Variants in GRIK4 observed in about 807,000 individuals in gnomAD.
The protein encoded by GRIK4 is glutamate receptor ionotropic, kainate 4.
A neutral mutation model predicts 104.9 loss-of-function variants in GRIK4; 40 were observed. The ratio of observed to expected loss-of-function variants is 0.38; its 90% CI spans 0.30 to 0.50. The LOEUF is 0.50. Ranked by LOEUF, GRIK4 falls within the 20% of genes least tolerant of loss-of-function variation. GRIK4 has a pLI of 0.93. For synonymous variants in GRIK4, 485 were observed against 524.9 expected, an observed-to-expected ratio of 0.92 and a Z score of 1.04; for missense variants, 1,047 against 1,308.1, an observed-to-expected ratio of 0.80 and a Z score of 3.08.
chr11:120,574,614 A>T (rs1159941276), intron 1 of GRIK4, among the ~76,000 whole-genome samples: 2 of 152,096 alleles, frequency 1.3e-5, no homozygotes, highest in African/African-American at 4.8e-5. Context: ...CTCTTCCCTG[A>T]TCTGTAAGGG....
intron 3 of GRIK4, among the ~76,000 whole-genome samples, chr11:120,689,243 C>G (rs575281372): frequency 1.3e-5 from 2 of 152,040 alleles, no homozygotes; most frequent in African/African-American, 2.4e-5. Flanking sequence ...CCCTTACCCT[C>G]GTCGAGCCTT....
chr11:120,815,324 A>G, intron 4 of GRIK4, 54 bp from the exon 5 acceptor site: 1 of 1,072,902 alleles, frequency 9.3e-7, no homozygotes, highest in Non-Finnish European at 1.4e-6. Context: ...CCATGGCGCA[A>G]GCCCGACCTG....
chr11:120,843,325 G>C (rs1437770776), intron 8 of GRIK4, among the ~76,000 whole-genome samples: 1 of 152,252 alleles, frequency 6.6e-6, no homozygotes, highest in African/African-American at 2.4e-5. Flanking sequence ...GAGGCAGTGG[G>C]CACCCAGAGT....
intron 11 of GRIK4, among the ~76,000 whole-genome samples, chr11:120,890,381 A>T (rs529732615): frequency 6.6e-6 from 1 of 151,964 alleles, no homozygotes; most frequent in South Asian, 2.1e-4. Context: ...CTAAGCAACC[A>T]CTCTGGGCCC....
At chr11:120,630,760 G>A (rs914153244) in intron 1 of GRIK4, among the ~76,000 whole-genome samples, 17 of 152,216 alleles carry the variant, frequency 1.1e-4, no homozygotes, top group African/African-American at 3.4e-4. Context: ...CATTGGATGC[G>A]GATGTTGGAC....
intron 1 of GRIK4, among the ~76,000 whole-genome samples, chr11:120,606,139 A>G (rs1379760796): frequency 6.6e-6 from 1 of 152,170 alleles, no homozygotes; most frequent in East Asian, 1.9e-4. Flanking sequence ...AAATACGTCC[A>G]TTTATTGAAT....
chr11:120,783,717 G>C (rs1431581823), intron 3 of GRIK4, among the ~76,000 whole-genome samples: 1 of 152,054 alleles, frequency 6.6e-6, no homozygotes. Context: ...TGAATATTCT[G>C]ACAACAGTCA....
chr11:120,872,066 A>C (rs944757563), intron 9 of GRIK4: 5 of 370,900 alleles, frequency 1.3e-5, no homozygotes, highest in African/African-American at 1.1e-4. Flanking sequence ...TAGTTCAGTC[A>C]ACACCGGCTT....
chr11:120,907,422 G>A (rs1480506793), intron 13 of GRIK4, among the ~76,000 whole-genome samples: 1 of 152,152 alleles, frequency 6.6e-6, no homozygotes, highest in African/African-American at 2.4e-5. Flanking sequence ...CGAGTGACTT[G>A]AACAGTCAGA....
chr11:120,627,156 C>G (rs1949270710), intron 1 of GRIK4, among the ~76,000 whole-genome samples: 1 of 152,186 alleles, frequency 6.6e-6, no homozygotes, highest in Non-Finnish European at 1.5e-5. Context: ...TGTTGGGTCC[C>G]CAGGGCTCAG....
chr11:120,674,942 A>C (rs2135273517), intron 3 of GRIK4, among the ~76,000 whole-genome samples: 1 of 152,348 alleles, frequency 6.6e-6, no homozygotes, highest in East Asian at 1.9e-4. Flanking sequence ...CAGAGGCCAC[A>C]GTTAAGGAAT....
intron 4 of GRIK4, among the ~76,000 whole-genome samples, chr11:120,809,893 C>A (rs530325326): frequency 1.3e-5 from 2 of 151,978 alleles, no homozygotes; most frequent in South Asian, 4.1e-4. Flanking sequence ...TAGTGGGGCC[C>A]CATCTCTACA....
At chr11:120,823,152 G>A (rs1953169454) in intron 6 of GRIK4, among the ~76,000 whole-genome samples, 3 of 152,226 alleles carry the variant, frequency 2.0e-5, no homozygotes, top group Admixed American at 6.5e-5. Context: ...AGATGGTCCT[G>A]CAGTCTTCCT....
chr11:120,571,421 C>G (rs1361183769), intron 1 of GRIK4, among the ~76,000 whole-genome samples: 1 of 152,180 alleles, frequency 6.6e-6, no homozygotes, highest in African/African-American at 2.4e-5. Context: ...CTGTAGCTTA[C>G]ATGTTCCTTT....
intron 1 of GRIK4, among the ~76,000 whole-genome samples, chr11:120,608,406 G>A (rs752414085): frequency 2.0e-5 from 3 of 152,242 alleles, no homozygotes; most frequent in Admixed American, 6.5e-5. Flanking sequence ...TAGGCTAAGA[G>A]GACACATTTA....
chr11:120,586,732 C>T (rs930705826), intron 1 of GRIK4, among the ~76,000 whole-genome samples: 3 of 152,144 alleles, frequency 2.0e-5, no homozygotes, highest in Non-Finnish European at 4.4e-5. Context: ...GGGACCCTTC[C>T]TCCGACCTGG....
rs143452550 is a variant in GRIK4, at chr11:120,587,694, G to C, written c.-158-65991G>C. 8.5e-5 allele frequency among the ~76,000 whole-genome samples: 13 copies of C among 152,278 alleles called. No individual in the cohort carries two copies. In the East Asian group the frequency reaches 2.5e-3, roughly 29 times the overall value. On this transcript the variant is annotated intron_variant, in intron 1 of 20. Transcript: ENST00000527524. ...CCATTCATCCTAGACCGTTTGCAAGGCCAGCCTCGCCATGGCTCAGCCAGT... is the reference window on the plus strand; with the variant it reads ...CCATTCATCCTAGACCGTTTGCAAGCCCAGCCTCGCCATGGCTCAGCCAGT...
rs757609162 is a variant in GRIK4 at position 120,960,977 on chromosome 11, G to A, written c.1943G>A (p.Arg648His). 5.0e-6 allele frequency: 8 copies of A among 1,613,968 alleles called. No individual in the cohort carries two copies. The highest frequency in any genetic ancestry group is 1.3e-5 in the African/African-American group (1 of 75,028). ...CTGGCAGCCTTCCTGACCGTGCAGC[G>A]CATGGATGTGCCCATTGAGTCAGTG... Reference protein sequence around the residue: ...ANLAAFLTVQRMDVPIESVDD... With the variant: ...ANLAAFLTVQHMDVPIESVDD... Residue 648 changes from arginine to histidine, a missense_variant, in exon 17 of 21, where the codon CGC becomes CAC. Physicochemically the swap from Arg to His is conservative, Grantham distance 29 (BLOSUM62 0). This residue lies in a region of GRIK4 where 440 missense variants were observed against 652.3 expected (regional missense o/e 0.67). Transcript: ENST00000527524.
chr11:120,901,723 A>G (rs1400631832), intron 12 of GRIK4, among the ~76,000 whole-genome samples: 6 of 152,178 alleles, frequency 3.9e-5, no homozygotes, highest in Non-Finnish European at 8.8e-5. Flanking sequence ...GCTGGGCTGT[A>G]CTGCCAGCCT....
Sources: gnomAD v4.1 joint callset for allele counts (sites outside exome capture counted in the v4.1 genomes callset) on GRCh38, gnomAD v4.1.1 for gene constraint, gnomAD v4.1.1 regional missense constraint, MANE v1.5 for transcripts, NCBI Gene and HGNC (gene_info 2026-07-23, HGNC 2026-07-21) for gene names.